The following SPIRE1 variants were observed in gnomAD, a reference collection of about 807,000 sequenced individuals.
The protein encoded by SPIRE1 is spire type actin nucleation factor 1.
A neutral mutation model predicts 94.1 loss-of-function variants in SPIRE1; 40 were observed. The ratio of observed to expected loss-of-function variants is 0.43; its 90% CI spans 0.33 to 0.55. The LOEUF (loss-of-function observed/expected upper bound fraction) is 0.55, where lower values mean the gene tolerates loss of function less well. Ranked by LOEUF, SPIRE1 falls within the 20% of genes least tolerant of loss-of-function variation. SPIRE1 has a pLI of 0.06. For synonymous variants in SPIRE1, 376 were observed against 371.7 expected (o/e 1.01, Z -0.13); for missense variants, 838 against 975.2 (o/e 0.86, Z 1.87).
intron 5 of SPIRE1, among the ~76,000 whole-genome samples, chr18:12,512,109 A>G (rs940415968): frequency 6.6e-6 from 1 of 152,200 alleles, no homozygotes; most frequent in Non-Finnish European, 1.5e-5. Flanking sequence ...TCATGCCTGT[A>G]ATCCCAGCAC....
At chr18:12,464,072 C>T (rs961897807) in intron 11 of SPIRE1, among the ~76,000 whole-genome samples, 9 of 152,158 alleles carry the variant, frequency 5.9e-5, no homozygotes, top group Non-Finnish European at 1.2e-4. Context: ...ACTCTATCTA[C>T]AGAGTAGAGC....
rs188138882 is a variant in SPIRE1 at position 12,525,001 on chromosome 18, G to A, written c.729+10475C>T. Among the ~76,000 whole-genome samples the A allele has an allele frequency of 1.3e-4, 20 of 151,320 alleles. No homozygotes were observed. The East Asian group carries it at 3.7e-3, about 28-fold the overall frequency. Reference sequence around the variant, plus strand: ...AAGAAGAAAAAAAAAAAGTGGCCAGGCACGGTGGCTCACGCCTGTAATCCC... The same window carrying A: ...AAGAAGAAAAAAAAAAAGTGGCCAGACACGGTGGCTCACGCCTGTAATCCC... On this transcript the variant is annotated intron_variant, in intron 4 of 16. Coordinates refer to ENST00000409402, the MANE Select transcript of SPIRE1 (RefSeq NM_001128626.2).
intron 1 of SPIRE1, among the ~76,000 whole-genome samples, chr18:12,637,358 CAAA>C (rs55649398): frequency 6.9e-5 from 7 of 101,824 alleles, no homozygotes; most frequent in African/African-American, 4.1e-5. Flanking sequence ...GACTCTGTCT[CAAA>C]AAAAAAAAAA....
At chr18:12,457,926 G>A (rs939649917) in intron 12 of SPIRE1, among the ~76,000 whole-genome samples, 1 of 149,568 alleles carries the variant, frequency 6.7e-6, no homozygotes, top group Non-Finnish European at 1.5e-5. Flanking sequence ...CTCACTGCAA[G>A]CTCCACCTCC....
chr18:12,553,960 G>A (rs2035427789), intron 2 of SPIRE1, among the ~76,000 whole-genome samples: 1 of 152,002 alleles, frequency 6.6e-6, no homozygotes, highest in South Asian at 2.1e-4. Context: ...ATGAAAAAAA[G>A]ACAAAAGACC....
chr18:12,567,986 C>G (rs1218298132), intron 2 of SPIRE1, among the ~76,000 whole-genome samples: 1 of 152,206 alleles, frequency 6.6e-6, no homozygotes, highest in African/African-American at 2.4e-5. Flanking sequence ...TTTTGGTAAT[C>G]ATGTCTGCCT....
chr18:12,629,818 TAAA>T (rs1239142550), intron 2 of SPIRE1, among the ~76,000 whole-genome samples: 2 of 152,168 alleles, frequency 1.3e-5, no homozygotes, highest in Non-Finnish European at 2.9e-5. Context: ...CCTATTAAAG[TAAA>T]AAAATTTGCA....
chr18:12,662,085 T>G (rs932679439), upstream of SPIRE1: 28 of 420,696 alleles, frequency 6.7e-5, no homozygotes, highest in Non-Finnish European at 1.2e-4. Flanking sequence ...TGTGCTGCTC[T>G]GAGTCTTTCA....
At chr18:12,619,033 C>T (rs113978000) in intron 2 of SPIRE1, among the ~76,000 whole-genome samples, 58,804 of 151,360 alleles carry the variant, frequency 0.39, 12,077 homozygotes, top group East Asian at 0.6. Flanking sequence ...TACAGGCACC[C>T]GCCACCACGC....
chr18:12,502,760 A>G (rs762750158), intron 6 of SPIRE1, among the ~76,000 whole-genome samples: 16 of 152,162 alleles, frequency 1.1e-4, no homozygotes, highest in Admixed American at 6.5e-5. Context: ...AAACCATCAA[A>G]TATCTATTAA....
At chr18:12,655,063 AAAAG>A (rs991628375) in intron 1 of SPIRE1, among the ~76,000 whole-genome samples, 1 of 151,768 alleles carries the variant, frequency 6.6e-6, no homozygotes, top group African/African-American at 2.4e-5. Context: ...AAAGAAAAAG[AAAAG>A]AGAGACTGGG....
At chr18:12,618,343 G>C (rs572918185) in intron 2 of SPIRE1, among the ~76,000 whole-genome samples, 2 of 151,536 alleles carry the variant, frequency 1.3e-5, no homozygotes, top group Non-Finnish European at 1.5e-5. Flanking sequence ...CTTGTTATCC[G>C]CCCGCCTCGG....
chr18:12,494,261 C>T (rs1450173315), intron 7 of SPIRE1, among the ~76,000 whole-genome samples: 3 of 152,086 alleles, frequency 2.0e-5, no homozygotes, highest in African/African-American at 7.2e-5. Context: ...TTTTAGTAAC[C>T]ACCCATAACC....
At chr18:12,551,430 G>A (rs555198675) in intron 2 of SPIRE1, among the ~76,000 whole-genome samples, 11 of 152,162 alleles carry the variant, frequency 7.2e-5, no homozygotes, top group South Asian at 2.1e-4. Context: ...GGCTGGGCGC[G>A]GTGGCTCACG....
intron 2 of SPIRE1, among the ~76,000 whole-genome samples, chr18:12,554,923 C>T (rs1335986139): frequency 6.6e-6 from 1 of 152,186 alleles, no homozygotes; most frequent in Non-Finnish European, 1.5e-5. Flanking sequence ...AACCACCCAT[C>T]AGGCCTCCCA....
At chr18:12,479,637 T>G (rs1420590668) in intron 10 of SPIRE1, 62 bp downstream of exon 10, 1 of 1,428,526 alleles carries the variant, frequency 7.0e-7, no homozygotes, top group African/African-American at 1.4e-5. Flanking sequence ...ATCAGTAAAC[T>G]GCATCAGACA....
chr18:12,658,169 AG>A, upstream of SPIRE1: 2 of 882,718 alleles, frequency 2.3e-6, no homozygotes, highest in Non-Finnish European at 2.9e-6. Flanking sequence ...CCCGCCCCTT[AG>A]GGGGCCGCAC....
chr18:12,459,181 AGC>A (rs2031668047), intron 12 of SPIRE1, among the ~76,000 whole-genome samples: 1 of 152,270 alleles, frequency 6.6e-6, no homozygotes, highest in Non-Finnish European at 1.5e-5. Flanking sequence ...TATTTAAAAT[AGC>A]CACATCATTA....
rs555383911 is a variant in SPIRE1 at position 12,611,876 on chromosome 18, G to A, written c.372+23186C>T. Among the ~76,000 whole-genome samples, 83 of 150,658 alleles carry A rather than the reference G, an allele frequency of 5.5e-4. 1 individual carries two copies. The highest frequency in any genetic ancestry group is 2.0e-3 in the African/African-American group (82 of 41,020). On this transcript the variant is annotated intron_variant, in intron 2 of 16. Coordinates refer to ENST00000409402, the MANE Select transcript of SPIRE1 (RefSeq NM_001128626.2). ...TTTAGTAGAGAAGAAGTCTCACTAT[G>A]TTGGCCAGGCTGGTCTCAAACTCCT...
Sources: allele counts gnomAD v4.1 joint callset (sites outside exome capture counted in the v4.1 genomes callset), GRCh38; gene constraint gnomAD v4.1.1; transcripts MANE v1.5; gene names NCBI Gene and HGNC (gene_info 2026-07-23, HGNC 2026-07-21).